The following JMY variants were observed in gnomAD, a reference collection of about 807,000 sequenced individuals.
The protein encoded by JMY is junction mediating and regulatory protein, p53 cofactor.
A neutral mutation model predicts 103.3 loss-of-function variants in JMY; 46 were observed. That is an observed-to-expected ratio of 0.45 (90% CI 0.35 to 0.57). The LOEUF is 0.57. Among genes scored for constraint, JMY ranks in the 20% least tolerant of loss-of-function variants. The probability of loss-of-function intolerance (pLI) is 0.00; values close to 1 mark genes in which losing one functional copy is unlikely to be tolerated. For missense variants in JMY, 1,238 were observed against 1,255.2 expected, an observed-to-expected ratio of 0.99 and a Z score of 0.21; for synonymous variants, 526 against 489.3, an observed-to-expected ratio of 1.07 and a Z score of -0.99.
intron 1 of JMY, among the ~76,000 whole-genome samples, chr5:79,259,091 A>G (rs1240746229): frequency 6.6e-6 from 1 of 152,066 alleles, no homozygotes; most frequent in East Asian, 1.9e-4. Context: ...CTTTCAGCAG[A>G]GAGGGTAGCT....
chr5:79,261,544 G>A (rs1209258653), intron 1 of JMY, among the ~76,000 whole-genome samples: 1 of 152,062 alleles, frequency 6.6e-6, no homozygotes, highest in African/African-American at 2.4e-5. Flanking sequence ...GTGAAAAAGC[G>A]AGAGGCTGTC....
At chr5:79,253,533 C>G (rs2112055730) in intron 1 of JMY, among the ~76,000 whole-genome samples, 1 of 152,280 alleles carries the variant, frequency 6.6e-6, no homozygotes, top group East Asian at 1.9e-4. Flanking sequence ...ACCTCATGAT[C>G]TGCCCACCGC....
intron 2 of JMY, among the ~76,000 whole-genome samples, chr5:79,281,993 C>T (rs1198222120): frequency 2.0e-5 from 3 of 152,074 alleles, no homozygotes; most frequent in African/African-American, 7.2e-5. Context: ...ATCACAAGGT[C>T]AGGAGATGGA....
At chr5:79,265,130 T>A (rs1190405948) in intron 1 of JMY, among the ~76,000 whole-genome samples, 1 of 152,154 alleles carries the variant, frequency 6.6e-6, no homozygotes, top group Non-Finnish European at 1.5e-5. Flanking sequence ...TTCACCTTGT[T>A]AGCCAGGATG....
At chr5:79,298,152 G>A (rs1746620592) in intron 4 of JMY, among the ~76,000 whole-genome samples, 1 of 152,174 alleles carries the variant, frequency 6.6e-6, no homozygotes, top group East Asian at 1.9e-4. Flanking sequence ...GCAGAAAATG[G>A]TCACTTAGTT....
At chr5:79,310,231 T>A (rs1227349862) in intron 7 of JMY, among the ~76,000 whole-genome samples, 1 of 151,760 alleles carries the variant, frequency 6.6e-6, no homozygotes, top group East Asian at 1.9e-4. Context: ...CCTGGCTAAT[T>A]TTTGTATTTT....
At chr5:79,278,475 A>C (rs1171464448) in intron 2 of JMY, among the ~76,000 whole-genome samples, 1 of 147,400 alleles carries the variant, frequency 6.8e-6, no homozygotes, top group Admixed American at 7.0e-5. Context: ...GGGCAGGCTG[A>C]GCGTGGTGCC....
intron 1 of JMY, among the ~76,000 whole-genome samples, chr5:79,239,782 C>G (rs1160018118): frequency 6.6e-6 from 1 of 150,580 alleles, no homozygotes; most frequent in Non-Finnish European, 1.5e-5. Context: ...TGCACTCGAG[C>G]CTGGGCGACA....
chr5:79,291,276 C>T lies in JMY; in HGVS notation c.1504C>T (p.Arg502Trp), dbSNP rs377515393. The T allele has an allele frequency of 2.5e-5, 39 of 1,584,008 alleles. No individual in the cohort carries two copies. The African/African-American group carries it at 3.4e-4, about 14-fold the overall frequency. Residue 502 changes from arginine (R) to tryptophan (W), a missense_variant, in exon 4 of 11, where the codon CGG becomes TGG. Coordinates refer to ENST00000396137, the MANE Select transcript of JMY (RefSeq NM_152405.5). ...MRAKEICLEQRKHALKEEMQS... is the reference protein window; with the variant it reads ...MRAKEICLEQWKHALKEEMQS... ...AGCTAAAGAGATATGCTTGGAACAG[C>T]GGAAACATGCACTAAAGGAAGAGGT...
intron 1 of JMY, among the ~76,000 whole-genome samples, chr5:79,242,770 A>G (rs1744778982): frequency 6.7e-6 from 1 of 150,066 alleles, no homozygotes; most frequent in South Asian, 2.1e-4. Flanking sequence ...AAATGCAGTC[A>G]GTTCAATAAT....
intron 1 of JMY, among the ~76,000 whole-genome samples, chr5:79,241,490 A>G (rs537505883): frequency 1.3e-5 from 2 of 152,346 alleles, no homozygotes; most frequent in Non-Finnish European, 2.9e-5. Context: ...TAGTACTTCA[A>G]AGGAAAATTT....
At chr5:79,256,444 A>G (rs1300124548) in intron 1 of JMY, among the ~76,000 whole-genome samples, 1 of 152,082 alleles carries the variant, frequency 6.6e-6, no homozygotes, top group Non-Finnish European at 1.5e-5. Context: ...CTGACCTGAT[A>G]GCTAACCTGG....
In JMY at chr5:79,236,323, G is replaced by T; in HGVS notation, c.-328G>T. The T allele has an allele frequency of 4.8e-6, 1 of 206,364 alleles. No homozygotes were observed. The highest frequency in any genetic ancestry group is 9.6e-6 in the Non-Finnish European group (1 of 104,106). 12.8% of individuals were successfully genotyped at this position (206,364 alleles called of 1,614,324 possible). A position where few individuals can be genotyped will look rare whatever the true frequency, so the allele number is the denominator to read the frequency against. ...CGCGCCTCACCACCGGAGCGCCGCA[G>T]ACGCAGCTCCACGGCCTCGCGCGGG... On this transcript the variant is annotated 5_prime_UTR_variant, in exon 1 of 11. Transcript: ENST00000396137.
rs770550464 is a variant in JMY, at chr5:79,314,727, G to C, written c.2535G>C (p.Glu845Asp). ...ETLEKDLPRK[E>D]GNEKRIPKSA... ...TGGAGAAAGATCTGCCTAGAAAGGA[G>C]GGGAATGAGAAGAGGATCCCAAAGT... Residue 845 changes from glutamate to aspartate, a missense_variant, in exon 9 of 11, where the codon GAG becomes GAC. Physicochemically the swap from Glu to Asp is conservative, Grantham distance 45. Transcript: ENST00000396137. 7.1e-5 allele frequency: 114 copies of C among 1,611,876 alleles called. No individual in the cohort carries two copies. The highest frequency in any genetic ancestry group is 9.5e-5 in the Non-Finnish European group (112 of 1,179,736).
chr5:79,301,569 G>T (rs535712474), intron 6 of JMY, among the ~76,000 whole-genome samples: 106 of 152,260 alleles, frequency 7.0e-4, no homozygotes, highest in African/African-American at 2.4e-3. Context: ...GATAGCTCTT[G>T]CACATTAAAG....
intron 1 of JMY, among the ~76,000 whole-genome samples, chr5:79,268,920 G>C (rs1250757635): frequency 1.3e-5 from 2 of 152,084 alleles, no homozygotes; most frequent in Non-Finnish European, 2.9e-5. Context: ...TCTTTTATCA[G>C]ATATGTCTTT....
rs1747635933 is a variant in JMY, at chr5:79,326,125, A to G, written c.*4523A>G. On this transcript the variant is annotated 3_prime_UTR_variant, in exon 11 of 11. Transcript: ENST00000396137. ...ACTTGTTAAATAACTGATGAATGTT[A>G]TTTCACACTGAATCTCAAAGCAGTC... 1 of 152,156 alleles carries G rather than the reference A, an allele frequency of 6.6e-6. No individual in the cohort carries two copies. The highest frequency in any genetic ancestry group is 1.5e-5 in the Non-Finnish European group (1 of 68,008). 9.4% of individuals were successfully genotyped at this position (152,156 alleles called of 1,614,324 possible).
chr5:79,292,941 G>T lies in JMY; in HGVS notation c.1527+1642G>T, dbSNP rs151118149. On this transcript the variant is annotated intron_variant, in intron 4 of 10. Transcript: ENST00000396137. ...GCTTGTTTTGTGTATAATTTAGATA[G>T]GTATTGTGCTTTGTATCTATGTGTG... is the stretch of plus-strand genomic sequence containing the variant. 4.1e-3 allele frequency among the ~76,000 whole-genome samples: 623 copies of T among 152,180 alleles called. 6 individuals are homozygous for T. The highest frequency in any genetic ancestry group is 0.015 in the African/African-American group (603 of 41,488).
At chr5:79,268,193 C>G (rs920464586) in intron 1 of JMY, among the ~76,000 whole-genome samples, 1 of 152,084 alleles carries the variant, frequency 6.6e-6, no homozygotes, top group African/African-American at 2.4e-5. Context: ...CAGGGAGTTA[C>G]GAATGTGCCA....
Sources: allele counts gnomAD v4.1 joint callset (sites outside exome capture counted in the v4.1 genomes callset), GRCh38; gene constraint gnomAD v4.1.1; transcripts MANE v1.5; gene names NCBI Gene and HGNC (gene_info 2026-07-23, HGNC 2026-07-21).